Variants in DYNC1H1 observed in about 807,000 individuals in gnomAD.
DYNC1H1 encodes cytoplasmic dynein 1 heavy chain 1.
Under a neutral mutation model 527.1 loss-of-function variants are expected in DYNC1H1, and 51 were observed. The observed-to-expected ratio is 0.10, with a 90% confidence interval of 0.08 to 0.12. The LOEUF is 0.12. DYNC1H1 is among the 10% of genes least tolerant of loss of function. The pLI is 1.00. For missense variants in DYNC1H1, 2,771 were observed against 5,971.8 expected (o/e 0.46, Z 17.66); for synonymous variants, 2,189 against 2,278.8 (o/e 0.96, Z 1.12).
At chr14:102,040,211 A>C in intron 62 of DYNC1H1, 25 bp from the exon 63 acceptor site, 1 of 1,613,944 alleles carries the variant, frequency 6.2e-7, no homozygotes, top group Non-Finnish European at 8.5e-7. Context: ...GAGAGACCCT[A>C]GCTAACCTGT....
In DYNC1H1 at chr14:102,002,496, A is replaced by C; in HGVS notation, c.4543-41A>C. On this transcript the variant is annotated intron_variant, in intron 21 of 77. Transcript: ENST00000360184. The surrounding 1 kb of genome is among the most constrained non-coding windows in gnomAD (Gnocchi z 4.4). Reference sequence around the variant, plus strand: ...TGAGTTTTGGCATATCTGTGAGTAGAAGGGTCAGCAGTTTACCTCTCCCTC... The same window carrying C: ...TGAGTTTTGGCATATCTGTGAGTAGCAGGGTCAGCAGTTTACCTCTCCCTC... 6.2e-7 allele frequency: 1 copy of C among 1,612,780 alleles called. No individual in the cohort carries two copies. Among genetic ancestry groups the C allele is most frequent in the South Asian group, 1.1e-5 (1 of 90,722 alleles).
intron 1 of DYNC1H1, among the ~76,000 whole-genome samples, chr14:101,967,718 T>C (rs1286205249): frequency 6.6e-6 from 1 of 152,194 alleles, no homozygotes; most frequent in Non-Finnish European, 1.5e-5. Context: ...TGTATGCCAG[T>C]AGTTCCAGCT....
At chr14:102,030,104 A>C in intron 50 of DYNC1H1, 58 bp from the exon 51 acceptor site, 3 of 1,613,500 alleles carry the variant, frequency 1.9e-6, no homozygotes, top group Middle Eastern at 1.6e-4. Context: ...GTTGTTTAGA[A>C]TTTAGTCAGC....
At chr14:101,994,612 G>T in intron 12 of DYNC1H1, 61 bp from the exon 13 acceptor site, 1 of 1,591,728 alleles carries the variant, frequency 6.3e-7, no homozygotes, top group East Asian at 2.2e-5. Context: ...AACATAAGAG[G>T]TGCCAGTATT....
At chr14:101,980,007 A>T in intron 4 of DYNC1H1, 33 bp downstream of exon 4, 7 of 1,613,940 alleles carry the variant, frequency 4.3e-6, no homozygotes, top group Non-Finnish European at 5.9e-6. Context: ...TATGTAAAAT[A>T]TGTTACTCTT....
At position 102,004,584 on chromosome 14, in the gene DYNC1H1, A is replaced by G. The variant is rs2048175270; in HGVS notation, c.4950A>G (p.Leu1650=). The change falls in exon 24 of 78, where the codon TTA becomes TTG. Residue 1650 remains leucine (L), a synonymous_variant. Transcript: ENST00000360184. ...GAAACAGCAAGAATGTCGCTAAATT[A>G]CAGAAACACTTCAAGAAGATGTTTG... ...IIGNSKNVAK[L]QKHFKKMFAG... 6.2e-7 allele frequency: 1 copy of G among 1,614,192 alleles called. No homozygotes were observed. Among genetic ancestry groups the G allele is most frequent in the Non-Finnish European group, 8.5e-7 (1 of 1,180,022 alleles).
chr14:101,981,251 G>A (rs2047860720), intron 5 of DYNC1H1, among the ~76,000 whole-genome samples: 1 of 152,132 alleles, frequency 6.6e-6, no homozygotes, highest in African/African-American at 2.4e-5. Flanking sequence ...AGCCACCCAA[G>A]TAGCTGGGAC....
In DYNC1H1 at chr14:102,050,677, G is replaced by A; in HGVS notation, c.*114G>A. On this transcript the variant is annotated 3_prime_UTR_variant, in exon 78 of 78. Coordinates refer to ENST00000360184, the MANE Select transcript of DYNC1H1 (RefSeq NM_001376.5). ...AAAAGAAAGTGGTTGGTCTGAGGTTGGAGGAAGCTGAATGGAATCTGACGG... is the reference window on the plus strand; with the variant it reads ...AAAAGAAAGTGGTTGGTCTGAGGTTAGAGGAAGCTGAATGGAATCTGACGG... The A allele has an allele frequency of 6.5e-7, 1 of 1,535,750 alleles. No homozygotes were observed. Among genetic ancestry groups the A allele is most frequent in the Admixed American group, 1.7e-5 (1 of 58,032 alleles).
At position 102,012,699 on chromosome 14, in the gene DYNC1H1, G is replaced by A; in HGVS notation, c.7014+229G>A. On this transcript the variant is annotated intron_variant, in intron 34 of 77. Coordinates refer to ENST00000360184, the MANE Select transcript of DYNC1H1 (RefSeq NM_001376.5). The surrounding 1 kb of genome is among the most constrained non-coding windows in gnomAD (Gnocchi z 4.9). Reference sequence around the variant, plus strand: ...TATTGATGGCTTTCTATCATTTATTGAGTAATAAGCACACTCTATGATTAT... The same window carrying A: ...TATTGATGGCTTTCTATCATTTATTAAGTAATAAGCACACTCTATGATTAT... 1.7e-6 allele frequency: 1 copy of A among 597,684 alleles called. No individual in the cohort carries two copies. Among genetic ancestry groups the A allele is most frequent in the Non-Finnish European group, 3.0e-6 (1 of 338,914 alleles). The allele number at this position is 597,684 out of a possible 1,614,324, so 37.0% of individuals were successfully genotyped here. A position where few individuals can be genotyped will look rare whatever the true frequency, so the allele number is the denominator to read the frequency against.
Position 102,015,974 on chromosome 14 carries a change from G to T in DYNC1H1, c.7361G>T (p.Cys2454Phe). 1 of 1,614,058 alleles carries T rather than the reference G, an allele frequency of 6.2e-7. No homozygotes were observed. The highest frequency in any genetic ancestry group is 8.5e-7 in the Non-Finnish European group (1 of 1,180,034). The change falls in exon 36 of 78, where the codon TGC becomes TTC. Residue 2454 changes from cysteine to phenylalanine, a missense_variant. This residue lies in a region of DYNC1H1 where 122 missense variants were observed against 168.4 expected (regional missense o/e 0.72). Coordinates refer to ENST00000360184, the MANE Select transcript of DYNC1H1 (RefSeq NM_001376.5). The surrounding 1 kb of genome is among the most constrained non-coding windows in gnomAD (Gnocchi z 6.9). ...ATCATGGACCTAACACGCCTGCGCT[G>T]CCTGGGCTCGCTCTTCTCCATGCTG... ...EHIMDLTRLRCLGSLFSMLHQ... is the reference protein window; with the variant it reads ...EHIMDLTRLRFLGSLFSMLHQ...
intron 72 of DYNC1H1, chr14:102,045,073 C>T (rs971864017): frequency 4.5e-5 from 13 of 286,554 alleles, no homozygotes; most frequent in Admixed American, 3.7e-4. Context: ...GAGGCCAAGG[C>T]GGGCAGATCA....
At position 101,991,676 on chromosome 14, in the gene DYNC1H1, A is replaced by G. The variant is rs1057522534; in HGVS notation, c.3015+3A>G. On this transcript the variant is annotated splice_donor_region_variant and intron_variant, in intron 11 of 77. Transcript: ENST00000360184. ...GGATCCAGAGTCAGAGGTACCAGGTAAGCCTTTGGTGACTCGAGGCACACG... is the reference window on the plus strand; with the variant it reads ...GGATCCAGAGTCAGAGGTACCAGGTGAGCCTTTGGTGACTCGAGGCACACG... 3.7e-6 allele frequency: 6 copies of G among 1,614,012 alleles called. No homozygotes were observed. The highest frequency in any genetic ancestry group is 5.1e-6 in the Non-Finnish European group (6 of 1,180,022).
In DYNC1H1 at chr14:102,042,715, G is replaced by A. The variant is rs531519870; in HGVS notation, c.12480G>A (p.Thr4160=). 3.5e-5 allele frequency: 56 copies of A among 1,614,188 alleles called. No individual in the cohort carries two copies. The highest frequency in any genetic ancestry group is 4.4e-5 in the Non-Finnish European group (52 of 1,180,044). Residue 4160 remains threonine (T), a synonymous_variant, in exon 69 of 78, where the codon ACG becomes ACA. Transcript: ENST00000360184. This position sits in a 1 kb window ranked among gnomAD's most constrained non-coding sequence, Gnocchi z 5.7. Reference sequence around the variant, plus strand: ...GGGTGAAGGCCAACATGCTGAGGACGTTCAGCAGCATTCCCGTCTCACGGA... The same window carrying A: ...GGGTGAAGGCCAACATGCTGAGGACATTCAGCAGCATTCCCGTCTCACGGA... ...PPGVKANMLR[T]FSSIPVSRIC...
Position 102,047,621 on chromosome 14 carries a change from G to GTA in DYNC1H1, c.13007-195_13007-194insAT, listed in dbSNP as rs1491539191. 15,942 of 253,212 alleles carry GTA rather than the reference G, an allele frequency of 0.063. 1,228 individuals carry two copies. Among genetic ancestry groups the GTA allele is most frequent in the African/African-American group, 0.23 (5,987 of 25,760 alleles). The allele number at this position is 253,212 out of a possible 1,614,324, so 15.7% of individuals were successfully genotyped here. On this transcript the variant is annotated intron_variant, in intron 72 of 77. Coordinates refer to ENST00000360184, the MANE Select transcript of DYNC1H1 (RefSeq NM_001376.5). ...TATACACATATATGTATATATACAC[G>GTA]TGTGTGTGTGTGTGTGTGTGTATAT...
intron 64 of DYNC1H1, 95 bp downstream of exon 64, chr14:102,040,768 T>C: frequency 2.1e-6 from 3 of 1,441,606 alleles, no homozygotes; most frequent in Non-Finnish European, 2.9e-6. Flanking sequence ...GTTACTAGCC[T>C]GGGCAACATA....
rs894300624 is a variant in DYNC1H1 at position 102,016,969 on chromosome 14, C to T, written c.7818C>T (p.Phe2606=). The T allele has an allele frequency of 6.2e-7, 1 of 1,614,276 alleles. No homozygotes were observed. The highest frequency in any genetic ancestry group is 1.7e-5 in the Admixed American group (1 of 60,034). The change falls in exon 38 of 78, where the codon TTC becomes TTT. Residue 2606 remains phenylalanine (F), a synonymous_variant. Transcript: ENST00000360184. This position sits in a 1 kb window ranked among gnomAD's most constrained non-coding sequence, Gnocchi z 7.3. The part of the protein sequence containing the change: ...PPGSGKTMTL[F]SALRALPDME... ...GGTCTGGCAAGACCATGACACTCTT[C>T]AGCGCCCTCCGGGCCTTGCCTGACA...
At chr14:102,009,776 AT>A in intron 29 of DYNC1H1, 66 bp from the exon 30 acceptor site, 2 of 1,609,214 alleles carry the variant, frequency 1.2e-6, no homozygotes, top group Non-Finnish European at 1.7e-6. Flanking sequence ...TTTTAGAGAC[AT>A]TTTAGAATGC....
At position 102,041,449 on chromosome 14, in the gene DYNC1H1, T is replaced by G. The variant is rs908262789; in HGVS notation, c.11942-125T>G. On this transcript the variant is annotated intron_variant, in intron 64 of 77. Transcript: ENST00000360184. This position sits in a 1 kb window ranked among gnomAD's most constrained non-coding sequence, Gnocchi z 4.5. ...AGCAGATGTGGCTGAATTTCCTGAT[T>G]TGAGCTGATCCTGAAATGCTGAGCA... 7 of 1,505,786 alleles carry G rather than the reference T, an allele frequency of 4.6e-6. No individual in the cohort carries two copies. The highest frequency in any genetic ancestry group is 1.4e-5 in the African/African-American group (1 of 72,730). 93.3% of individuals were successfully genotyped at this position (1,505,786 alleles called of 1,614,324 possible).
intron 10 of DYNC1H1, among the ~76,000 whole-genome samples, chr14:101,991,236 G>A (rs1416390366): frequency 6.6e-6 from 1 of 152,106 alleles, no homozygotes; most frequent in African/African-American, 2.4e-5. Context: ...CACTTTGGGA[G>A]GCTGAAGCGG....
Sources: allele counts gnomAD v4.1 joint callset (sites outside exome capture counted in the v4.1 genomes callset), GRCh38; gene constraint gnomAD v4.1.1; regional missense constraint gnomAD v4.1.1; non-coding constraint Gnocchi (gnomAD v3.1); transcripts MANE v1.5; gene names NCBI Gene and HGNC (gene_info 2026-07-23, HGNC 2026-07-21).